ST7: variants seen among roughly 807,000 people sequenced by gnomAD.
ST7 encodes suppressor of tumorigenicity 7 protein.
A neutral mutation model predicts 78.7 loss-of-function variants in ST7; 28 were observed. That is an observed-to-expected ratio of 0.36 (90% CI 0.26 to 0.49). The LOEUF is 0.49. Ranked by LOEUF, ST7 falls within the 20% of genes least tolerant of loss-of-function variation. The pLI, the probability that ST7 is intolerant of heterozygous loss-of-function variation, is 0.99. For missense variants in ST7, 418 were observed against 696.0 expected (o/e 0.60, Z 4.49); for synonymous variants, 247 against 249.6 (o/e 0.99, Z 0.10).
intron 10 of ST7, among the ~76,000 whole-genome samples, chr7:117,180,128 G>A (rs1268109479): frequency 6.6e-6 from 1 of 152,086 alleles, no homozygotes; most frequent in Non-Finnish European, 1.5e-5. Flanking sequence ...ATTTGCTTCC[G>A]GGTAATCTCT....
intron 13 of ST7, among the ~76,000 whole-genome samples, chr7:117,212,764 A>G (rs893484310): frequency 6.6e-6 from 1 of 152,202 alleles, no homozygotes; most frequent in African/African-American, 2.4e-5. Flanking sequence ...ATATATACAC[A>G]TATGTATACA....
intron 8 of ST7, 23 bp from the exon 9 acceptor site, chr7:117,138,412 G>A (rs956591040): frequency 4.1e-6 from 6 of 1,479,862 alleles, no homozygotes; most frequent in African/African-American, 2.9e-5. Flanking sequence ...TTAAATGTTG[G>A]TGTTTTATAT....
In ST7 at chr7:117,190,999, A is replaced by T. The variant is rs1194716392; in HGVS notation, c.1254+63A>T. 7.6e-7 allele frequency: 1 copy of T among 1,317,224 alleles called. No homozygotes were observed. The highest frequency in any genetic ancestry group is 1.4e-5 in the African/African-American group (1 of 69,176). 81.6% of individuals were successfully genotyped at this position (1,317,224 alleles called of 1,614,324 possible). On this transcript the variant is annotated intron_variant, in intron 12 of 15. Coordinates refer to ENST00000323984, the MANE Select transcript of ST7 (RefSeq NM_001369598.1). This position sits in a 1 kb window ranked among gnomAD's most constrained non-coding sequence, Gnocchi z 5.2. ...AGCAGAGAAAGCATTCATTGACCAC[A>T]GTGTTGTATCTCAAGTACACCGCTT...
At chr7:117,054,447 A>G (rs1264227389) in intron 1 of ST7, among the ~76,000 whole-genome samples, 1 of 152,190 alleles carries the variant, frequency 6.6e-6, no homozygotes, top group Non-Finnish European at 1.5e-5. Flanking sequence ...TCGCACATGC[A>G]TCCCGGAGGT....
chr7:117,113,352 T>C (rs1202024572), intron 2 of ST7, among the ~76,000 whole-genome samples: 1 of 152,144 alleles, frequency 6.6e-6, no homozygotes, highest in Non-Finnish European at 1.5e-5. Flanking sequence ...GGTGTAGCGG[T>C]TGATATTTTC....
intron 1 of ST7, among the ~76,000 whole-genome samples, chr7:117,003,577 GC>G (rs1221744308): frequency 6.6e-6 from 1 of 151,998 alleles, no homozygotes; most frequent in African/African-American, 2.4e-5. Context: ...GAGCCACTGC[GC>G]CTGGCCATGC....
intron 10 of ST7, among the ~76,000 whole-genome samples, chr7:117,171,543 C>T (rs1351154203): frequency 1.3e-5 from 2 of 151,808 alleles, no homozygotes; most frequent in Non-Finnish European, 2.9e-5. Context: ...GTCCCTTTGC[C>T]ATTCTGGTTA....
At chr7:117,140,912 A>G (rs12666031) in intron 9 of ST7, among the ~76,000 whole-genome samples, 5,659 of 152,256 alleles carry the variant, frequency 0.037, 187 homozygotes, top group East Asian at 0.14. Flanking sequence ...CTTGCACCAC[A>G]AACAGAGGAG....
intron 9 of ST7, among the ~76,000 whole-genome samples, chr7:117,168,711 G>A (rs935382424): frequency 1.3e-5 from 2 of 152,110 alleles, no homozygotes; most frequent in Middle Eastern, 3.2e-3. Flanking sequence ...GGGGTTTTTC[G>A]TTAGTAATAT....
chr7:117,066,967 G>C (rs1798671462), intron 1 of ST7, among the ~76,000 whole-genome samples: 2 of 151,936 alleles, frequency 1.3e-5, no homozygotes, highest in South Asian at 4.2e-4. Flanking sequence ...GATTTGCTTA[G>C]TCTAGAAATT....
intron 1 of ST7, among the ~76,000 whole-genome samples, chr7:117,051,936 C>G (rs1439027835): frequency 2.6e-5 from 4 of 152,134 alleles, no homozygotes; most frequent in African/African-American, 9.7e-5. Flanking sequence ...GTTGGCAACC[C>G]TTAGCAGAGT....
chr7:117,066,405 C>A (rs1563054654), intron 1 of ST7, among the ~76,000 whole-genome samples: 11 of 151,646 alleles, frequency 7.3e-5, no homozygotes, highest in Non-Finnish European at 1.5e-5. Flanking sequence ...GTAGCAATGA[C>A]TTTTTTTTTC....
chr7:117,206,944 T>C (rs772573017), intron 12 of ST7, among the ~76,000 whole-genome samples: 3 of 152,206 alleles, frequency 2.0e-5, no homozygotes, highest in Non-Finnish European at 2.9e-5. Flanking sequence ...CCTGAGCACT[T>C]GAAATATGGC....
chr7:117,215,543 C>A (rs1427971502), intron 13 of ST7, among the ~76,000 whole-genome samples: 2 of 152,184 alleles, frequency 1.3e-5, no homozygotes, highest in Non-Finnish European at 2.9e-5. Flanking sequence ...CTTTACCAGC[C>A]TTTTGAGGCC....
chr7:116,994,053 G>A (rs11980673), intron 1 of ST7, among the ~76,000 whole-genome samples: 7,363 of 152,052 alleles, frequency 0.048, 588 homozygotes, highest in African/African-American at 0.17. Flanking sequence ...ATACAGTTCC[G>A]TGGCATTAAG....
intron 13 of ST7, among the ~76,000 whole-genome samples, chr7:117,217,575 C>G (rs1466176549): frequency 6.6e-6 from 1 of 152,172 alleles, no homozygotes; most frequent in African/African-American, 2.4e-5. Context: ...TGTTAACAAC[C>G]TGTGCAAAGA....
At chr7:116,965,153 C>T (rs1456945751) in intron 1 of ST7, among the ~76,000 whole-genome samples, 1 of 152,056 alleles carries the variant, frequency 6.6e-6, no homozygotes, top group Non-Finnish European at 1.5e-5. Flanking sequence ...TCCTGGCTAA[C>T]ACGGTGAAAC....
intron 15 of ST7, among the ~76,000 whole-genome samples, chr7:117,224,536 T>C (rs1793318729): frequency 6.6e-6 from 1 of 152,214 alleles, no homozygotes; most frequent in Non-Finnish European, 1.5e-5. Context: ...CAATTATTGC[T>C]CTTTTATGTT....
At chr7:116,972,415 T>C in intron 1 of ST7, 2 of 703,614 alleles carry the variant, frequency 2.8e-6, no homozygotes, top group Non-Finnish European at 5.0e-6. Context: ...CTTCAGATTC[T>C]GGTCCATCAG....
Sources: gnomAD v4.1 joint callset for allele counts (sites outside exome capture counted in the v4.1 genomes callset) on GRCh38, gnomAD v4.1.1 for gene constraint, Gnocchi (gnomAD v3.1) non-coding constraint, MANE v1.5 for transcripts, NCBI Gene and HGNC (gene_info 2026-07-23, HGNC 2026-07-21) for gene names.